The following AMMECR1 variants were observed in gnomAD, a reference collection of about 807,000 sequenced individuals.
AMMECR1 encodes the protein nuclear protein AMMECR1.
In AMMECR1, 3 loss-of-function variants were observed where a neutral mutation model predicts 22.5. That is an observed-to-expected ratio of 0.13 (90% confidence interval 0.06 to 0.35). AMMECR1 has a LOEUF of 0.35. Ranked by LOEUF, AMMECR1 falls within the 10% of genes least tolerant of loss-of-function variation. The pLI, the probability that AMMECR1 is intolerant of heterozygous loss-of-function variation, is 1.00. For missense variants in AMMECR1, 235 were observed against 278.7 expected, an observed-to-expected ratio of 0.84 and a Z score of 1.12; for synonymous variants, 130 against 116.7, an observed-to-expected ratio of 1.11 and a Z score of -0.74.
intron 2 of AMMECR1, among the ~76,000 whole-genome samples, chrX:110,362,913 T>C (rs943657110): frequency 3.6e-5 from 4 of 112,138 alleles, no homozygotes; most frequent in African/African-American, 9.7e-5. Context: ...CTAAGTGATA[T>C]ATACTATCAT....
intron 2 of AMMECR1, among the ~76,000 whole-genome samples, chrX:110,257,252 A>C (rs753409605): frequency 8.9e-6 from 1 of 112,499 alleles, no homozygotes; most frequent in South Asian, 3.6e-4. Context: ...TCAGGAAAGG[A>C]GACAGATATC....
chrX:110,322,198 C>T (rs979257625), upstream of AMMECR1, among the ~76,000 whole-genome samples: 1 of 111,825 alleles, frequency 8.9e-6, no homozygotes, highest in Non-Finnish European at 1.9e-5. Flanking sequence ...TCTATAAACT[C>T]CTTAATGAGA....
intron 1 of AMMECR1, among the ~76,000 whole-genome samples, chrX:110,438,842 G>A (rs1319788162): frequency 8.9e-6 from 1 of 112,198 alleles, no homozygotes; most frequent in Non-Finnish European, 1.9e-5. Context: ...CTTTGCTAAG[G>A]ACAATGTTCC....
At chrX:110,319,622 AT>A (rs1160689460), upstream of AMMECR1, among the ~76,000 whole-genome samples, 2 of 112,140 alleles carry the variant, frequency 1.8e-5, no homozygotes, top group Non-Finnish European at 3.8e-5. Context: ...CTCCAATACC[AT>A]ACCTCGTCCT....
intron 2 of AMMECR1, among the ~76,000 whole-genome samples, chrX:110,238,982 A>G: frequency 8.9e-6 from 1 of 112,204 alleles, no homozygotes; most frequent in South Asian, 3.8e-4. Flanking sequence ...GAAAACTAAC[A>G]AACAGAAAGG....
rs182498485 is a variant in AMMECR1, at chrX:110,305,360, G to A, written c.473+12239C>T. ...AAATATTCATTTTAAAAGCCTGTAA[G>A]CAAAGGGATAATCATAGTAAAAATT... On this transcript the variant is annotated intron_variant, in intron 1 of 5. Coordinates refer to ENST00000262844, the MANE Select transcript of AMMECR1 (RefSeq NM_015365.3). 9 of 112,372 alleles carry A rather than the reference G, an allele frequency of 8.0e-5. No individual in the cohort carries two copies. In the East Asian group the frequency reaches 2.5e-3, roughly 31 times the overall value. The allele number at this position is 112,372 out of a possible 1,213,427, so 9.3% of individuals were successfully genotyped here. A position where few individuals can be genotyped will look rare whatever the true frequency, so the allele number is the denominator to read the frequency against.
chrX:110,357,316 C>G (rs1390691492), intron 2 of AMMECR1, among the ~76,000 whole-genome samples: 1 of 112,006 alleles, frequency 8.9e-6, no homozygotes. Context: ...GAAAAAGTAA[C>G]CACTTCATAA....
intron 2 of AMMECR1, among the ~76,000 whole-genome samples, chrX:110,397,645 A>G: frequency 9.0e-6 from 1 of 110,869 alleles, no homozygotes; most frequent in Non-Finnish European, 1.9e-5. Context: ...GGAGGGAGAG[A>G]AATACCCTGG....
At chrX:110,243,445 A>G (rs900221275) in intron 2 of AMMECR1, among the ~76,000 whole-genome samples, 3 of 112,561 alleles carry the variant, frequency 2.7e-5, no homozygotes, top group African/African-American at 9.7e-5. Context: ...AGATTACCCA[A>G]AAGTATTGCT....
intron 2 of AMMECR1, among the ~76,000 whole-genome samples, chrX:110,328,687 A>G (rs1418420965): frequency 8.4e-5 from 9 of 107,048 alleles, no homozygotes; most frequent in African/African-American, 2.4e-4. Context: ...TCATTGTTCA[A>G]CTCCCACTTA....
chrX:110,219,891 A>G (rs145451912), intron 2 of AMMECR1, among the ~76,000 whole-genome samples: 3,024 of 112,021 alleles, frequency 0.027, 100 homozygotes, highest in African/African-American at 0.093. Flanking sequence ...GAAGTCCTCA[A>G]TGTCTCTAAA....
intron 2 of AMMECR1, among the ~76,000 whole-genome samples, chrX:110,369,204 C>T (rs766857919): frequency 1.3e-4 from 14 of 110,912 alleles, no homozygotes; most frequent in African/African-American, 4.6e-4. Flanking sequence ...TGGTGGCACG[C>T]TCCTGTGGTC....
At chrX:110,417,342 C>T (rs1231131790) in intron 2 of AMMECR1, among the ~76,000 whole-genome samples, 1 of 112,240 alleles carries the variant, frequency 8.9e-6, no homozygotes, top group African/African-American at 3.2e-5. Flanking sequence ...TTCAATTCAA[C>T]AATGATTTAT....
At chrX:110,363,462 T>C (rs2068277549) in intron 2 of AMMECR1, among the ~76,000 whole-genome samples, 1 of 111,909 alleles carries the variant, frequency 8.9e-6, no homozygotes, top group Non-Finnish European at 1.9e-5. Context: ...TCCCTATGTG[T>C]CATTAAGGAG....
intron 2 of AMMECR1, among the ~76,000 whole-genome samples, chrX:110,246,269 A>C (rs1391963903): frequency 9.0e-6 from 1 of 110,847 alleles, no homozygotes; most frequent in Non-Finnish European, 1.9e-5. Context: ...AAACTGATCC[A>C]GTTATAAAAC....
At chrX:110,409,847 G>T (rs1021019307) in intron 2 of AMMECR1, among the ~76,000 whole-genome samples, 2 of 111,268 alleles carry the variant, frequency 1.8e-5, no homozygotes, top group Non-Finnish European at 3.8e-5. Flanking sequence ...TAAGTACAGA[G>T]GGAGGTATTG....
intron 1 of AMMECR1, among the ~76,000 whole-genome samples, chrX:110,303,207 T>C (rs1159852497): frequency 2.7e-5 from 3 of 111,812 alleles, no homozygotes; most frequent in African/African-American, 9.8e-5. Flanking sequence ...AAAGGTTCTA[T>C]GTGTAGCCCA....
chrX:110,361,082 T>C (rs2068260254), intron 2 of AMMECR1, among the ~76,000 whole-genome samples: 1 of 110,639 alleles, frequency 9.0e-6, no homozygotes, highest in African/African-American at 3.3e-5. Flanking sequence ...ATCTCCAACT[T>C]ACCATGTTCA....
At position 110,196,411 on chromosome X, in the gene AMMECR1, T is replaced by C. The variant is rs775223105; in HGVS notation, c.*2109A>G. The C allele has an allele frequency of 9.2e-6, 1 of 108,200 alleles. No homozygotes were observed. Among genetic ancestry groups the C allele is most frequent in the South Asian group, 3.9e-4 (1 of 2,546 alleles). 8.9% of individuals were successfully genotyped at this position (108,200 alleles called of 1,213,427 possible). A position where few individuals can be genotyped will look rare whatever the true frequency, so the allele number is the denominator to read the frequency against. On this transcript the variant is annotated 3_prime_UTR_variant, in exon 6 of 6. Transcript: ENST00000262844. Reference sequence around the variant, plus strand: ...TGTTTTTTGTTTTGTTTTTTTTTTGTTTGTTTTTTTTTGCAGCAGACAATA... The same window carrying C: ...TGTTTTTTGTTTTGTTTTTTTTTTGCTTGTTTTTTTTTGCAGCAGACAATA...
Sources: allele counts gnomAD v4.1 joint callset (sites outside exome capture counted in the v4.1 genomes callset), GRCh38; gene constraint gnomAD v4.1.1; transcripts MANE v1.5; gene names NCBI Gene and HGNC (gene_info 2026-07-23, HGNC 2026-07-21).